Variants in ATXN8OS observed in about 807,000 individuals in gnomAD.
ATXN8OS encodes ATXN8 opposite strand lncRNA.
chr13:70,139,383 A>ACTACTACTACTACTACTACTGCTG, intron 3 of ATXN8OS: 17 of 458,322 alleles, frequency 3.7e-5, no homozygotes, highest in African/African-American at 2.2e-4. Flanking sequence ...TACTACTACT[A>ACTACTACTACTACTACTACTGCTG]CTGCTGCTGC....
chr13:70,150,541 C>T (rs1377782318), intron 4 of ATXN8OS, among the ~76,000 whole-genome samples: 1 of 152,062 alleles, frequency 6.6e-6, no homozygotes, highest in Admixed American at 6.6e-5. Context: ...GTAGACCCAG[C>T]TCCCAATGTC....
intron 3 of ATXN8OS, among the ~76,000 whole-genome samples, chr13:70,146,166 C>T (rs1368507341): frequency 1.1e-4 from 16 of 150,444 alleles, no homozygotes; most frequent in African/African-American, 2.4e-4. Flanking sequence ...TGAAAAAATG[C>T]TCATCATCAC....
At chr13:70,164,049 TTTATTC>T (rs57975969) in intron 4 of ATXN8OS, among the ~76,000 whole-genome samples, 16,280 of 140,352 alleles carry the variant, frequency 0.12, 1,343 homozygotes, top group East Asian at 0.23. Context: ...GCTGGAAGTT[TTTATTC>T]TTATTATTAT....
rs562049170 is a variant in ATXN8OS, at chr13:70,165,789, T to C, written n.574-3964T>C. Reference sequence around the variant, plus strand: ...TCAACTTGGAAGATAACGGAAGATATGTGGAAATATTTAAATATAAATAGA... The same window carrying C: ...TCAACTTGGAAGATAACGGAAGATACGTGGAAATATTTAAATATAAATAGA... On this transcript the variant is annotated intron_variant and non_coding_transcript_variant, in intron 4 of 4. Coordinates refer to ENST00000678624, the Ensembl canonical transcript of ATXN8OS. Among the ~76,000 whole-genome samples the C allele has an allele frequency of 1.4e-3, 219 of 151,982 alleles. 13 individuals carry two copies. The highest frequency in any genetic ancestry group is 6.6e-4 in the Non-Finnish European group (45 of 67,940).
At chr13:70,108,529 G>A (rs1888143190) in intron 1 of ATXN8OS, 1 of 151,130 alleles carries the variant, frequency 6.6e-6, no homozygotes, top group Admixed American at 6.6e-5. Flanking sequence ...ACGGAGAGAT[G>A]GAGGGAGGGA....
chr13:70,139,386 GCT>G (rs1389655056), intron 3 of ATXN8OS: 23 of 261,712 alleles, frequency 8.8e-5, no homozygotes, highest in South Asian at 1.9e-4. Flanking sequence ...TACTACTACT[GCT>G]GCTGCTGCTG....
At chr13:70,114,942 C>T (rs1318658380) in intron 1 of ATXN8OS, among the ~76,000 whole-genome samples, 1 of 151,984 alleles carries the variant, frequency 6.6e-6, no homozygotes, top group African/African-American at 2.4e-5. Flanking sequence ...GGCAGAGATT[C>T]TCAATATCAT....
At chr13:70,163,299 G>T (rs929545369) in intron 4 of ATXN8OS, among the ~76,000 whole-genome samples, 1 of 152,032 alleles carries the variant, frequency 6.6e-6, no homozygotes, top group African/African-American at 2.4e-5. Flanking sequence ...CACTGCTGGT[G>T]TGGAAGAGAA....
chr13:70,114,900 T>C (rs1330263851), intron 1 of ATXN8OS, among the ~76,000 whole-genome samples: 9 of 152,072 alleles, frequency 5.9e-5, no homozygotes. Flanking sequence ...AATTAACGTA[T>C]GAGAACTAAA....
rs1194475338 is a variant in ATXN8OS at position 70,120,880 on chromosome 13, A to C, written n.398+5582A>C. Among the ~76,000 whole-genome samples, 5 of 131,472 alleles carry C rather than the reference A, an allele frequency of 3.8e-5. No homozygotes were observed. In the Admixed American group the frequency reaches 4.4e-4, roughly 11 times the overall value. The allele number at this position is 131,472 out of a possible 152,430, so 86.3% of individuals were successfully genotyped here. On this transcript the variant is annotated intron_variant and non_coding_transcript_variant, in intron 2 of 4. Coordinates refer to ENST00000678624, the Ensembl canonical transcript of ATXN8OS. ...GGTGGGAACTGAACAATGAGAACAC[A>C]TGGACGCAGGAAGGGGAACATCACA...
At chr13:70,158,362 G>A (rs1168428655) in intron 4 of ATXN8OS, among the ~76,000 whole-genome samples, 1 of 152,180 alleles carries the variant, frequency 6.6e-6, no homozygotes, top group Non-Finnish European at 1.5e-5. Context: ...AGCTTGCAAT[G>A]AGCCAAGATT....
At chr13:70,117,521 A>C (rs1427986454) in intron 2 of ATXN8OS, among the ~76,000 whole-genome samples, 2 of 152,136 alleles carry the variant, frequency 1.3e-5, no homozygotes, top group African/African-American at 4.8e-5. Flanking sequence ...ATTTGCATAA[A>C]GCATTTAAAT....
At chr13:70,154,049 T>C (rs144778814) in intron 4 of ATXN8OS, among the ~76,000 whole-genome samples, 3 of 152,282 alleles carry the variant, frequency 2.0e-5, no homozygotes, top group African/African-American at 7.2e-5. Flanking sequence ...AAATGGTCTC[T>C]AGAGCCTCAT....
At chr13:70,142,035 C>T (rs1461536546) in intron 3 of ATXN8OS, among the ~76,000 whole-genome samples, 2 of 152,076 alleles carry the variant, frequency 1.3e-5, no homozygotes, top group South Asian at 2.1e-4. Context: ...AGGCACACAC[C>T]ACCACACCTG....
intron 4 of ATXN8OS, among the ~76,000 whole-genome samples, chr13:70,163,474 T>C (rs1417043613): frequency 6.6e-6 from 1 of 152,076 alleles, no homozygotes; most frequent in Non-Finnish European, 1.5e-5. Context: ...CATCAAGGTT[T>C]CCCTGCTGGT....
chr13:70,132,917 T>C (rs1888555041), intron 3 of ATXN8OS, among the ~76,000 whole-genome samples: 1 of 152,116 alleles, frequency 6.6e-6, no homozygotes, highest in Middle Eastern at 3.2e-3. Context: ...CTTTCCTAAA[T>C]GTGACTCTGT....
At chr13:70,111,164 C>T (rs1162760749) in intron 1 of ATXN8OS, among the ~76,000 whole-genome samples, 1 of 152,140 alleles carries the variant, frequency 6.6e-6, no homozygotes, top group African/African-American at 2.4e-5. Flanking sequence ...AAACTCTTCG[C>T]ATAAGTATTA....
intron 3 of ATXN8OS, among the ~76,000 whole-genome samples, chr13:70,139,637 A>G (rs1160834983): frequency 6.6e-6 from 1 of 152,082 alleles, no homozygotes; most frequent in Non-Finnish European, 1.5e-5. Context: ...TCTCAAACAC[A>G]ATGTTTATCA....
intron 3 of ATXN8OS, among the ~76,000 whole-genome samples, chr13:70,134,761 A>AGGGCAACT (rs909149904): frequency 1.8e-4 from 28 of 152,304 alleles, no homozygotes; most frequent in Non-Finnish European, 3.1e-4. Flanking sequence ...AAATCAACAC[A>AGGGCAACT]GGGCAACTGG....
Sources: allele counts gnomAD v4.1 joint callset (sites outside exome capture counted in the v4.1 genomes callset), GRCh38; gene constraint gnomAD v4.1.1; transcripts MANE v1.5; gene names NCBI Gene and HGNC (gene_info 2026-07-23, HGNC 2026-07-21).